CSMD3: variants seen among roughly 807,000 people sequenced by gnomAD.
CSMD3 encodes CUB and sushi domain-containing protein 3.
Under a neutral mutation model 435.2 loss-of-function variants are expected in CSMD3, and 177 were observed. The observed-to-expected ratio is 0.41, with a 90% CI of 0.36 to 0.46. The LOEUF is 0.46. Ranked by LOEUF, CSMD3 falls within the 20% of genes least tolerant of loss-of-function variation. The pLI, the probability that CSMD3 is intolerant of heterozygous loss-of-function variation, is 0.34. For missense variants in CSMD3, 4,265 were observed against 4,504.6 expected, an observed-to-expected ratio of 0.95 and a Z score of 1.52; for synonymous variants, 1,656 against 1,520.5, an observed-to-expected ratio of 1.09 and a Z score of -2.07.
chr8:112,301,847 C>G lies in CSMD3; in HGVS notation c.8386G>C (p.Val2796Leu), dbSNP rs1359158313. 1 of 1,613,824 alleles carries G rather than the reference C, an allele frequency of 6.2e-7. No individual in the cohort carries two copies. The highest frequency in any genetic ancestry group is 1.1e-5 in the South Asian group (1 of 91,072). The change falls in exon 53 of 71, where the codon GTA becomes CTA. Residue 2796 changes from valine to leucine, a missense_variant. By Grantham distance (32) the Val-to-Leu change is conservative. Transcript: ENST00000297405. ...DLGFMLVGSA[V>L]RECLSSGLWS... ...AGACCTGAGGAAAGGCATTCCCTTA[C>G]AGCAGAGCCCACAAGCATGAATCCC...
At chr8:112,310,042 T>C (rs1821820322) in intron 50 of CSMD3, among the ~76,000 whole-genome samples, 1 of 152,156 alleles carries the variant, frequency 6.6e-6, no homozygotes, top group South Asian at 2.1e-4. Flanking sequence ...TTAAACAAAA[T>C]ACAAAATTAA....
intron 3 of CSMD3, among the ~76,000 whole-genome samples, chr8:113,260,129 A>G (rs2093415274): frequency 6.6e-6 from 1 of 152,156 alleles, no homozygotes; most frequent in African/African-American, 2.4e-5. Context: ...ACTGTGAGTC[A>G]ACTAAACCTC....
At chr8:113,065,433 A>C (rs762260556) in intron 5 of CSMD3, among the ~76,000 whole-genome samples, 34 of 151,850 alleles carry the variant, frequency 2.2e-4, no homozygotes, top group Non-Finnish European at 2.8e-4. Flanking sequence ...GTCGCCCAGG[A>C]TGGAGTGCAG....
At chr8:112,644,173 AT>A (rs1272704076) in intron 20 of CSMD3, among the ~76,000 whole-genome samples, 1 of 151,814 alleles carries the variant, frequency 6.6e-6, no homozygotes, top group Non-Finnish European at 1.5e-5. Flanking sequence ...ACTTTAATAT[AT>A]TTTTTGTTTT....
chr8:113,386,506 C>G (rs901281163), intron 1 of CSMD3, among the ~76,000 whole-genome samples: 2 of 151,888 alleles, frequency 1.3e-5, no homozygotes, highest in Non-Finnish European at 2.9e-5. Context: ...CATCCCTGCA[C>G]TCTTTTTGAC....
At chr8:112,574,128 C>T (rs1184058471) in intron 23 of CSMD3, among the ~76,000 whole-genome samples, 2 of 151,958 alleles carry the variant, frequency 1.3e-5, no homozygotes, top group Non-Finnish European at 2.9e-5. Flanking sequence ...TCATATTTGA[C>T]ATTTTTAAAA....
At chr8:112,974,957 T>C (rs2084791704) in intron 7 of CSMD3, among the ~76,000 whole-genome samples, 1 of 151,900 alleles carries the variant, frequency 6.6e-6, no homozygotes, top group South Asian at 2.1e-4. Context: ...GTAGATATTT[T>C]ATACTTGAAA....
chr8:113,145,588 T>C (rs764896798), intron 4 of CSMD3, among the ~76,000 whole-genome samples: 1 of 151,654 alleles, frequency 6.6e-6, no homozygotes, highest in Non-Finnish European at 1.5e-5. Context: ...TAGTATTATA[T>C]TTATCTTGGT....
At chr8:112,324,638 G>T (rs1177539752) in intron 45 of CSMD3, among the ~76,000 whole-genome samples, 1 of 151,530 alleles carries the variant, frequency 6.6e-6, no homozygotes. Flanking sequence ...GTGAGAGAGA[G>T]GAGGGATCGA....
chr8:112,309,013 C>T (rs1030834225), intron 50 of CSMD3, among the ~76,000 whole-genome samples: 1 of 151,818 alleles, frequency 6.6e-6, no homozygotes, highest in African/African-American at 2.4e-5. Context: ...TCTTTTTTAA[C>T]AATTAGAAAA....
chr8:112,396,536 A>G (rs1208047094), intron 35 of CSMD3, among the ~76,000 whole-genome samples: 1 of 152,316 alleles, frequency 6.6e-6, no homozygotes, highest in East Asian at 1.9e-4. Flanking sequence ...CAAGAGTATC[A>G]CCATGTGGTG....
intron 1 of CSMD3, among the ~76,000 whole-genome samples, chr8:113,433,376 G>A (rs2094686945): frequency 6.6e-6 from 1 of 152,178 alleles, no homozygotes; most frequent in Admixed American, 6.5e-5. Context: ...TCCGGACATG[G>A]CCACCTGGGC....
chr8:113,073,478 C>G (rs1053458248), intron 5 of CSMD3, among the ~76,000 whole-genome samples: 1 of 151,684 alleles, frequency 6.6e-6, no homozygotes, highest in Non-Finnish European at 1.5e-5. Context: ...ATAAGGCAAC[C>G]CCCTGCACAT....
intron 6 of CSMD3, among the ~76,000 whole-genome samples, chr8:113,008,765 G>C (rs1165104895): frequency 2.0e-5 from 3 of 151,266 alleles, no homozygotes; most frequent in African/African-American, 7.3e-5. Flanking sequence ...CCATGTATTT[G>C]TTTGAATATT....
At chr8:112,879,871 G>C (rs2081399050) in intron 10 of CSMD3, among the ~76,000 whole-genome samples, 1 of 151,898 alleles carries the variant, frequency 6.6e-6, no homozygotes, top group Non-Finnish European at 1.5e-5. Flanking sequence ...GTTGAACAAT[G>C]AGAATACATG....
intron 5 of CSMD3, among the ~76,000 whole-genome samples, chr8:113,024,430 G>C (rs1260637075): frequency 2.0e-5 from 3 of 150,186 alleles, no homozygotes; most frequent in African/African-American, 7.3e-5. Flanking sequence ...AGTTCATATA[G>C]TTCTTCAACC....
chr8:113,359,868 T>C (rs2094259918), intron 1 of CSMD3, among the ~76,000 whole-genome samples: 1 of 152,118 alleles, frequency 6.6e-6, no homozygotes, highest in African/African-American at 2.4e-5. Flanking sequence ...ATATAGAAAG[T>C]ATTCAGACTT....
intron 34 of CSMD3, 108 bp downstream of exon 34, chr8:112,408,197 ACAAAATAAAACTG>A: frequency 4.1e-6 from 3 of 738,346 alleles, no homozygotes; most frequent in Non-Finnish European, 7.4e-6. Flanking sequence ...GGTGGAGGGG[ACAAAATAAAACTG>A]CTTAAAAACA....
intron 59 of CSMD3, among the ~76,000 whole-genome samples, chr8:112,271,114 C>G (rs1030311773): frequency 6.6e-6 from 1 of 152,200 alleles, no homozygotes; most frequent in African/African-American, 2.4e-5. Context: ...TCAACGAGCA[C>G]TCTTGTTCAC....
Sources: gnomAD v4.1 joint callset for allele counts (sites outside exome capture counted in the v4.1 genomes callset) on GRCh38, gnomAD v4.1.1 for gene constraint, MANE v1.5 for transcripts, NCBI Gene and HGNC (gene_info 2026-07-23, HGNC 2026-07-21) for gene names.